ZNF143: variants seen among roughly 807,000 people sequenced by gnomAD.
The protein encoded by ZNF143 is SPH-binding factor.
A neutral mutation model predicts 74.1 loss-of-function variants in ZNF143; 49 were observed. The observed-to-expected ratio is 0.66, with a 90% CI of 0.53 to 0.84. The LOEUF is 0.84. ZNF143 is among the 40% of genes least tolerant of loss of function. ZNF143 has a pLI of 0.00. For missense variants in ZNF143, 637 were observed against 793.4 expected (o/e 0.80, Z 2.37); for synonymous variants, 304 against 282.8 (o/e 1.07, Z -0.75).
chr11:9,473,529 A>G (rs1204755786), intron 3 of ZNF143, among the ~76,000 whole-genome samples: 1 of 152,218 alleles, frequency 6.6e-6, no homozygotes, highest in Non-Finnish European at 1.5e-5. Flanking sequence ...TGCATACATA[A>G]ACAGGGGTCT....
chr11:9,471,229 C>A, intron 1 of ZNF143, 73 bp from the exon 2 acceptor site: 1 of 1,272,016 alleles, frequency 7.9e-7, no homozygotes, highest in South Asian at 1.5e-5. Context: ...TTTTGTGGTT[C>A]ATAAATATTC....
chr11:9,521,571 GT>G (rs1176133537), intron 14 of ZNF143, among the ~76,000 whole-genome samples: 12 of 145,116 alleles, frequency 8.3e-5, no homozygotes, highest in African/African-American at 7.5e-5. Context: ...GTTTTTTTTT[GT>G]TTTTTTTTTG....
chr11:9,488,308 CCTTA>C (rs1451095367), intron 7 of ZNF143, among the ~76,000 whole-genome samples: 1 of 152,068 alleles, frequency 6.6e-6, no homozygotes, highest in East Asian at 1.9e-4. Flanking sequence ...TTGGCTTGTC[CCTTA>C]CTTAAAATAT....
At chr11:9,518,890 G>A (rs538502283) in intron 14 of ZNF143, among the ~76,000 whole-genome samples, 58 of 152,180 alleles carry the variant, frequency 3.8e-4, no homozygotes, top group Non-Finnish European at 7.5e-4. Flanking sequence ...CTTGCATTGA[G>A]GATTTTTTAA....
intron 7 of ZNF143, among the ~76,000 whole-genome samples, chr11:9,482,270 C>G (rs544774160): frequency 3.1e-5 from 4 of 130,400 alleles, no homozygotes; most frequent in African/African-American, 1.2e-4. Context: ...GTACCCGGCC[C>G]CAACTCTTTT....
chr11:9,498,614 T>TA (rs1471354787), intron 10 of ZNF143, among the ~76,000 whole-genome samples: 2 of 152,350 alleles, frequency 1.3e-5, no homozygotes, highest in East Asian at 3.9e-4. Context: ...CTCCTCCTTA[T>TA]ATTTGATTAC....
chr11:9,481,919 G>A lies in ZNF143; in HGVS notation c.645+2373G>A, dbSNP rs187662336. Among the ~76,000 whole-genome samples, 36 of 146,240 alleles carry A rather than the reference G, an allele frequency of 2.5e-4. 2 individuals are homozygous for A. The highest frequency in any genetic ancestry group is 8.8e-4 in the African/African-American group (35 of 39,938). ...AAAAAAAAATTTCAGAACTCAAAACGTAACTAGGAATTCAGAACTGCTGAG... is the reference window on the plus strand; with the variant it reads ...AAAAAAAAATTTCAGAACTCAAAACATAACTAGGAATTCAGAACTGCTGAG... On this transcript the variant is annotated intron_variant, in intron 7 of 15. Transcript: ENST00000396602.
chr11:9,488,068 C>T lies in ZNF143; in HGVS notation c.646-6578C>T, dbSNP rs143018830. 1.8e-4 allele frequency among the ~76,000 whole-genome samples: 28 copies of T among 152,180 alleles called. 1 individual carries two copies. The East Asian group carries it at 5.2e-3, about 28-fold the overall frequency. On this transcript the variant is annotated intron_variant, in intron 7 of 15. Coordinates refer to ENST00000396602, the MANE Select transcript of ZNF143 (RefSeq NM_003442.6). The stretch of plus-strand genomic sequence containing the variant: ...TCATTTGTCTTTTCAGTCTGTTCCC[C>T]GCTATTACTGTAGTTCTCTTTCTAA...
intron 11 of ZNF143, among the ~76,000 whole-genome samples, chr11:9,505,348 C>T (rs1271916218): frequency 2.6e-5 from 4 of 151,672 alleles, no homozygotes; most frequent in African/African-American, 9.7e-5. Flanking sequence ...CAGCTCACTG[C>T]GACCTCTGCC....
chr11:9,522,891 A>C (rs2134260078), intron 14 of ZNF143, among the ~76,000 whole-genome samples: 1 of 151,848 alleles, frequency 6.6e-6, no homozygotes, highest in Non-Finnish European at 1.5e-5. Context: ...CCTCCCGAGT[A>C]GCTGGGACTA....
At chr11:9,491,289 G>A (rs1847765329) in intron 7 of ZNF143, among the ~76,000 whole-genome samples, 1 of 151,510 alleles carries the variant, frequency 6.6e-6, no homozygotes, top group Non-Finnish European at 1.5e-5. Context: ...ACAGGGTCTT[G>A]CTTTGTCACT....
chr11:9,500,284 G>C (rs1221268122), intron 10 of ZNF143, among the ~76,000 whole-genome samples: 1 of 151,394 alleles, frequency 6.6e-6, no homozygotes, highest in African/African-American at 2.4e-5. Flanking sequence ...GGTAGTAGTA[G>C]TATGTCCAGC....
intron 1 of ZNF143, among the ~76,000 whole-genome samples, chr11:9,462,693 G>A (rs377050413): frequency 2.0e-5 from 3 of 152,066 alleles, no homozygotes; most frequent in Admixed American, 2.0e-4. Flanking sequence ...GGTCAACGTG[G>A]TGAAACCCCC....
intron 7 of ZNF143, among the ~76,000 whole-genome samples, chr11:9,486,363 T>TA (rs1491555379): frequency 3.4e-4 from 14 of 41,246 alleles, no homozygotes; most frequent in African/African-American, 4.4e-4. Context: ...TATATATATA[T>TA]TATATATAAT....
chr11:9,496,468 C>A, intron 9 of ZNF143, 90 bp downstream of exon 9: 1 of 1,078,558 alleles, frequency 9.3e-7, no homozygotes, highest in Non-Finnish European at 1.4e-6. Context: ...TTGGCTGTGT[C>A]TGAATCTGCA....
intron 7 of ZNF143, among the ~76,000 whole-genome samples, chr11:9,481,474 C>A (rs898245853): frequency 6.6e-6 from 1 of 152,110 alleles, no homozygotes; most frequent in African/African-American, 2.4e-5. Flanking sequence ...GATGCAAACA[C>A]AGGGTAAATA....
chr11:9,488,181 C>T (rs535981302), intron 7 of ZNF143, among the ~76,000 whole-genome samples: 71 of 152,218 alleles, frequency 4.7e-4, no homozygotes, highest in Non-Finnish European at 6.3e-4. Context: ...ACTTGTGAGG[C>T]GGAGGTTACA....
At chr11:9,469,215 CTTTTTTTTTTTT>C (rs33968880) in intron 1 of ZNF143, among the ~76,000 whole-genome samples, 1 of 97,464 alleles carries the variant, frequency 1.0e-5, no homozygotes, top group African/African-American at 3.9e-5. Context: ...CAGCAGGGGT[CTTTTTTTTTTTT>C]TTTTTTTTTT....
At chr11:9,527,453 C>A (rs1327083753) in intron 15 of ZNF143, 77 bp from the exon 16 acceptor site, 9 of 1,330,060 alleles carry the variant, frequency 6.8e-6, no homozygotes, top group East Asian at 2.3e-5. Context: ...TCACTTCTGG[C>A]ATATAACATT....
Sources: allele counts gnomAD v4.1 joint callset (sites outside exome capture counted in the v4.1 genomes callset), GRCh38; gene constraint gnomAD v4.1.1; transcripts MANE v1.5; gene names NCBI Gene and HGNC (gene_info 2026-07-23, HGNC 2026-07-21).